The following NECAB1 variants were observed in gnomAD, a reference collection of about 807,000 sequenced individuals.
NECAB1 encodes the protein N-terminal EF-hand calcium binding protein 1.
Under a neutral mutation model 57.5 loss-of-function variants are expected in NECAB1, and 29 were observed. The ratio of observed to expected loss-of-function variants is 0.50; its 90% confidence interval spans 0.38 to 0.69. The LOEUF (loss-of-function observed/expected upper bound fraction) is 0.69. Among genes scored for constraint, NECAB1 ranks in the 30% least tolerant of loss-of-function variants. The pLI is 0.00. For missense variants in NECAB1, 372 were observed against 413.8 expected, an observed-to-expected ratio of 0.90 and a Z score of 0.88; for synonymous variants, 142 against 147.7, an observed-to-expected ratio of 0.96 and a Z score of 0.28.
chr8:90,886,389 G>A (rs777513353), intron 5 of NECAB1, among the ~76,000 whole-genome samples: 11 of 152,000 alleles, frequency 7.2e-5, no homozygotes, highest in Non-Finnish European at 1.3e-4. Context: ...TCAGTTTTGT[G>A]TCAGAGCTCA....
At chr8:90,854,294 G>T (rs1446547523) in intron 3 of NECAB1, among the ~76,000 whole-genome samples, 2 of 152,032 alleles carry the variant, frequency 1.3e-5, no homozygotes, top group Non-Finnish European at 2.9e-5. Context: ...AGGGAGTGTT[G>T]GGATAATGAG....
intron 5 of NECAB1, among the ~76,000 whole-genome samples, chr8:90,897,881 A>G (rs950593920): frequency 1.3e-5 from 2 of 152,212 alleles, no homozygotes; most frequent in African/African-American, 4.8e-5. Context: ...ATCAGGACTT[A>G]CCTCCTGTAA....
chr8:90,826,301 A>G (rs1187824833), intron 3 of NECAB1, among the ~76,000 whole-genome samples: 1 of 151,902 alleles, frequency 6.6e-6, no homozygotes, highest in Non-Finnish European at 1.5e-5. Context: ...CTGTGTTTGC[A>G]AAAGTGCTTC....
At chr8:90,815,208 C>T (rs767909972) in intron 2 of NECAB1, among the ~76,000 whole-genome samples, 24 of 152,164 alleles carry the variant, frequency 1.6e-4, no homozygotes, top group Admixed American at 2.6e-4. Flanking sequence ...AAAACTTCAT[C>T]GACTACAGCA....
chr8:90,841,135 C>CTGT (rs1295668889), intron 3 of NECAB1, among the ~76,000 whole-genome samples: 2 of 151,868 alleles, frequency 1.3e-5, no homozygotes, highest in African/African-American at 4.8e-5. Context: ...TGGCAGGCGC[C>CTGT]TGTAGTCCCA....
chr8:90,921,761 C>T (rs1484177020), intron 6 of NECAB1, among the ~76,000 whole-genome samples: 1 of 151,830 alleles, frequency 6.6e-6, no homozygotes, highest in Non-Finnish European at 1.5e-5. Flanking sequence ...CCTTCAGCAT[C>T]AACATTACTT....
intron 4 of NECAB1, among the ~76,000 whole-genome samples, chr8:90,877,156 C>T (rs985332089): frequency 6.6e-6 from 1 of 152,182 alleles, no homozygotes; most frequent in Non-Finnish European, 1.5e-5. Flanking sequence ...TCCTTCCCTC[C>T]TGCCTACCAC....
At chr8:90,935,540 T>C (rs996847291) in intron 9 of NECAB1, among the ~76,000 whole-genome samples, 1 of 152,090 alleles carries the variant, frequency 6.6e-6, no homozygotes, top group Non-Finnish European at 1.5e-5. Context: ...AATAGCGGAT[T>C]TGTGCAGTCC....
intron 4 of NECAB1, 31 bp from the exon 5 acceptor site, chr8:90,881,002 A>T: frequency 1.3e-6 from 2 of 1,488,354 alleles, no homozygotes; most frequent in Non-Finnish European, 1.8e-6. Flanking sequence ...AAACTCAAAT[A>T]TGAATTTATT....
intron 5 of NECAB1, among the ~76,000 whole-genome samples, chr8:90,893,968 A>G (rs921002906): frequency 5.3e-5 from 8 of 152,064 alleles, no homozygotes; most frequent in African/African-American, 1.9e-4. Context: ...TTAGTTCATG[A>G]TCTGCTCTGA....
intron 2 of NECAB1, among the ~76,000 whole-genome samples, chr8:90,807,565 T>C (rs1811871411): frequency 6.6e-6 from 1 of 152,198 alleles, no homozygotes; most frequent in Non-Finnish European, 1.5e-5. Context: ...CACCCCGCAC[T>C]GTGCTCTCCA....
In NECAB1 at chr8:90,928,132, T is replaced by G; in HGVS notation, c.617-91T>G. On this transcript the variant is annotated intron_variant, in intron 7 of 12. Transcript: ENST00000417640. ...CCAGTCAGTGACACTGCATCTTTCC[T>G]TCAGGGTTGAAGGAAAGCTCTGATA... is the stretch of plus-strand genomic sequence containing the variant. 2 of 968,474 alleles carry G rather than the reference T, an allele frequency of 2.1e-6. 1 individual carries two copies. The highest frequency in any genetic ancestry group is 2.9e-5 in the South Asian group (2 of 68,356). The allele number at this position is 968,474 out of a possible 1,614,324, so 60.0% of individuals were successfully genotyped here. A position where few individuals can be genotyped will look rare whatever the true frequency, so the allele number is the denominator to read the frequency against.
At chr8:90,833,627 G>C (rs1020492538) in intron 3 of NECAB1, among the ~76,000 whole-genome samples, 4 of 152,102 alleles carry the variant, frequency 2.6e-5, no homozygotes, top group Admixed American at 2.6e-4. Flanking sequence ...TGTCTACTGA[G>C]GAAGCTAGAT....
chr8:90,803,420 T>C (rs1811792973), intron 2 of NECAB1, among the ~76,000 whole-genome samples: 2 of 152,184 alleles, frequency 1.3e-5, no homozygotes, highest in East Asian at 1.9e-4. Context: ...GGCTATACTT[T>C]CATTTCCTAG....
chr8:90,901,064 A>C (rs572796863), intron 5 of NECAB1, among the ~76,000 whole-genome samples: 1 of 152,340 alleles, frequency 6.6e-6, no homozygotes, highest in Non-Finnish European at 1.5e-5. Flanking sequence ...TCTAATATAA[A>C]ACACAGAAAA....
chr8:90,843,049 G>A (rs756946766), intron 3 of NECAB1, among the ~76,000 whole-genome samples: 15 of 152,160 alleles, frequency 9.9e-5, no homozygotes, highest in Non-Finnish European at 1.9e-4. Context: ...AGGCCTCCCA[G>A]TCATGGCAGA....
intron 3 of NECAB1, among the ~76,000 whole-genome samples, chr8:90,870,031 A>G (rs1222855685): frequency 6.6e-6 from 1 of 152,074 alleles, no homozygotes; most frequent in Non-Finnish European, 1.5e-5. Flanking sequence ...AGGTCTCACA[A>G]GATCTGGTTC....
chr8:90,857,450 G>A (rs1186184668), intron 3 of NECAB1, among the ~76,000 whole-genome samples: 2 of 152,064 alleles, frequency 1.3e-5, no homozygotes, highest in Non-Finnish European at 2.9e-5. Flanking sequence ...TGTATATTGT[G>A]GAACAAAGGA....
At chr8:90,945,856 G>A (rs942290159) in intron 10 of NECAB1, among the ~76,000 whole-genome samples, 1 of 152,172 alleles carries the variant, frequency 6.6e-6, no homozygotes, top group South Asian at 2.1e-4. Flanking sequence ...AAGAACTCTT[G>A]CTTTAGCCAA....
Sources: allele counts gnomAD v4.1 joint callset (sites outside exome capture counted in the v4.1 genomes callset), GRCh38; gene constraint gnomAD v4.1.1; transcripts MANE v1.5; gene names NCBI Gene and HGNC (gene_info 2026-07-23, HGNC 2026-07-21).